ASAP2: variants seen among roughly 807,000 people sequenced by gnomAD.
ASAP2 encodes arf-GAP with SH3 domain, ANK repeat and PH domain-containing protein 2.
In ASAP2, 45 loss-of-function variants were observed where a neutral mutation model predicts 131.4. The ratio of observed to expected loss-of-function variants is 0.34; its 90% CI spans 0.27 to 0.44. The LOEUF is 0.44. Among genes scored for constraint, ASAP2 ranks in the 20% least tolerant of loss-of-function variants. ASAP2 has a pLI of 1.00. For synonymous variants in ASAP2, 510 were observed against 503.0 expected (o/e 1.01, Z -0.19); for missense variants, 1,011 against 1,297.0 (o/e 0.78, Z 3.39).
chr2:9,391,109 A>G lies in ASAP2; in HGVS notation c.2431A>G (p.Ser811Gly), dbSNP rs1227595733. ...ANTLWKTNSV[S>G]VDGGSRQRSS... ...CACCCTGTGGAAGACAAACTCTGTA[A>G]GTGTGGACGGTGGAAGCCGGCAGCG... Residue 811 changes from serine (S) to glycine (G), a missense_variant, in exon 23 of 28, where the codon AGT becomes GGT. Transcript: ENST00000281419. 1 of 1,614,220 alleles carries G rather than the reference A, an allele frequency of 6.2e-7. No individual in the cohort carries two copies.
Position 9,283,164 on chromosome 2 carries a change from G to A in ASAP2, c.199+3775G>A, listed in dbSNP as rs556369023. Among the ~76,000 whole-genome samples the A allele has an allele frequency of 6.6e-5, 10 of 151,922 alleles. No homozygotes were observed. The East Asian group carries it at 1.4e-3, about 21-fold the overall frequency. ...ATGATCTCGGCTCACTGCAGCCTCCGCCTCCTGGGTTCAAGTGATTTTCCT... is the reference window on the plus strand; with the variant it reads ...ATGATCTCGGCTCACTGCAGCCTCCACCTCCTGGGTTCAAGTGATTTTCCT... On this transcript the variant is annotated intron_variant, in intron 2 of 27. Coordinates refer to ENST00000281419, the MANE Select transcript of ASAP2 (RefSeq NM_003887.3).
At chr2:9,334,115 C>T (rs1671029658) in intron 7 of ASAP2, among the ~76,000 whole-genome samples, 1 of 139,784 alleles carries the variant, frequency 7.2e-6, no homozygotes, top group African/African-American at 2.7e-5. Flanking sequence ...GGCATGATCT[C>T]GGCTCACTGC....
chr2:9,401,355 G>C lies in ASAP2; in HGVS notation c.2905G>C (p.Asp969His). ...CGATGAGCTCACCTTCTCCGAGGGG[G>C]ATGTGATCATCGTGGACGGGGAGGA... Reference protein sequence around the residue: ...NPDELTFSEGDVIIVDGEEDQ... With the variant: ...NPDELTFSEGHVIIVDGEEDQ... The change falls in exon 27 of 28, where the codon GAT (aspartate) becomes CAT (histidine). Residue 969 changes from aspartate to histidine, a missense_variant. Around this residue, in one of 2 missense-constraint regions of ASAP2, gnomAD observed 652 missense variants for 698.9 expected, o/e 0.93. Transcript: ENST00000281419. 1.2e-6 allele frequency: 2 copies of C among 1,613,690 alleles called. No individual in the cohort carries two copies. The highest frequency in any genetic ancestry group is 1.7e-6 in the Non-Finnish European group (2 of 1,179,940).
Position 9,401,387 on chromosome 2 carries a change from G to A in ASAP2, c.2937G>A (p.Gln979=), listed in dbSNP as rs377390154. The part of the protein sequence containing the change: ...DVIIVDGEED[Q]EWWIGHIDGD... ...TCATCGTGGACGGGGAGGAGGACCA[G>A]GAGTGGTGGGTGAGTCAAGGGTGGG... The change falls in exon 27 of 28, where the codon CAG becomes CAA. Residue 979 remains glutamine (Q), a synonymous_variant. Coordinates refer to ENST00000281419, the MANE Select transcript of ASAP2 (RefSeq NM_003887.3). 6.2e-6 allele frequency: 10 copies of A among 1,613,386 alleles called. 1 individual carries two copies. In the Admixed American group the frequency reaches 6.7e-5, roughly 11 times the overall value.
chr2:9,263,114 G>A (rs893682175), intron 1 of ASAP2, among the ~76,000 whole-genome samples: 6 of 152,032 alleles, frequency 3.9e-5, no homozygotes, highest in Admixed American at 2.6e-4. Flanking sequence ...GGCCCAGGCC[G>A]TGGCTGCATG....
At chr2:9,400,943 C>G in intron 26 of ASAP2, 113 bp downstream of exon 26, 3 of 1,122,470 alleles carry the variant, frequency 2.7e-6, no homozygotes, top group Non-Finnish European at 3.9e-6. Context: ...TGGGGCAGGG[C>G]GGGGCTCTTC....
intron 1 of ASAP2, among the ~76,000 whole-genome samples, chr2:9,243,359 C>T (rs537750057): frequency 1.3e-5 from 2 of 152,190 alleles, no homozygotes; most frequent in Non-Finnish European, 2.9e-5. Context: ...CCACCCACCT[C>T]GGCCTCGCAA....
intron 9 of ASAP2, among the ~76,000 whole-genome samples, chr2:9,340,000 G>T (rs891128084): frequency 6.6e-6 from 1 of 152,112 alleles, no homozygotes; most frequent in Non-Finnish European, 1.5e-5. Flanking sequence ...TACAGGGTAG[G>T]CAATGTTTGC....
intron 3 of ASAP2, among the ~76,000 whole-genome samples, chr2:9,302,072 C>T (rs1169231160): frequency 6.7e-6 from 1 of 149,420 alleles, no homozygotes; most frequent in Non-Finnish European, 1.5e-5. Context: ...ATCCACCCGC[C>T]TTGGCCTCCC....
intron 5 of ASAP2, 33 bp from the exon 6 acceptor site, chr2:9,323,088 G>A: frequency 6.2e-7 from 1 of 1,613,466 alleles, no homozygotes; most frequent in Non-Finnish European, 8.5e-7. Flanking sequence ...TGTGCCAACA[G>A]GCATCTTGAT....
chr2:9,223,996 T>C (rs1008553323), intron 1 of ASAP2, among the ~76,000 whole-genome samples: 6 of 152,232 alleles, frequency 3.9e-5, no homozygotes, highest in African/African-American at 1.4e-4. Flanking sequence ...AAAATAGTTT[T>C]TGAACTTTGC....
At chr2:9,304,973 G>C (rs1361209445) in intron 3 of ASAP2, among the ~76,000 whole-genome samples, 1 of 148,614 alleles carries the variant, frequency 6.7e-6, no homozygotes, top group East Asian at 2.0e-4. Flanking sequence ...TAATAGTGGG[G>C]TATAGATATT....
Position 9,207,550 on chromosome 2 carries a change from C to T in ASAP2, c.126+320C>T, listed in dbSNP as rs1661206654. Among the ~76,000 whole-genome samples the T allele has an allele frequency of 6.6e-6, 1 of 152,054 alleles. No homozygotes were observed. On this transcript the variant is annotated intron_variant, in intron 1 of 27. Transcript: ENST00000281419. The surrounding 1 kb of genome is among the most constrained non-coding windows in gnomAD (Gnocchi z 4.1). ...CGCGGCGAGCGGGGGATCCCGCTGC[C>T]CGCCGCCGCCCGCCGCCGCCCGGGG...
chr2:9,394,086 A>G (rs866086686), intron 24 of ASAP2, among the ~76,000 whole-genome samples: 1 of 151,884 alleles, frequency 6.6e-6, no homozygotes, highest in South Asian at 2.1e-4. Flanking sequence ...ACACCACCCA[A>G]TCCTTAGACC....
chr2:9,355,280 G>A (rs548639260), intron 12 of ASAP2, among the ~76,000 whole-genome samples: 4 of 152,182 alleles, frequency 2.6e-5, no homozygotes, highest in African/African-American at 9.7e-5. Flanking sequence ...CTTGCAGTCT[G>A]TATCGGTTCT....
chr2:9,212,762 A>G (rs1207415653), intron 1 of ASAP2, among the ~76,000 whole-genome samples: 3 of 152,088 alleles, frequency 2.0e-5, no homozygotes, highest in Non-Finnish European at 2.9e-5. Context: ...GGTGGCTACC[A>G]TATTGGCTCA....
chr2:9,293,857 A>C (rs1372019087), intron 2 of ASAP2, among the ~76,000 whole-genome samples: 3 of 152,220 alleles, frequency 2.0e-5, no homozygotes, highest in Non-Finnish European at 2.9e-5. Context: ...ATCAGAAGAC[A>C]GTGCTGATTG....
rs1377330281 is a variant in ASAP2 at position 9,207,008 on chromosome 2, CGGCAGCGGCGGTGTCCGAGCGGCGGT to C, written c.-96_-71del. On this transcript the variant is annotated 5_prime_UTR_variant, in exon 1 of 28. Coordinates refer to ENST00000281419, the MANE Select transcript of ASAP2 (RefSeq NM_003887.3). The surrounding 1 kb of genome is among the most constrained non-coding windows in gnomAD (Gnocchi z 4.1). The stretch of plus-strand genomic sequence containing the variant: ...CTTTGTCCGCGGGCCGGAGCGGCGG[CGGCAGCGGCGGTGTCCGAGCGGCGGT>C]CGGAGCCTGCTGCGGCAGTTGAGGC... The C allele has an allele frequency of 3.7e-6, 4 of 1,068,562 alleles. No individual in the cohort carries two copies. The African/African-American group carries it at 6.8e-5, about 18-fold the overall frequency. 66.2% of individuals were successfully genotyped at this position (1,068,562 alleles called of 1,614,324 possible).
intron 1 of ASAP2, among the ~76,000 whole-genome samples, chr2:9,216,067 T>C (rs1662000880): frequency 1.3e-5 from 2 of 152,180 alleles, no homozygotes; most frequent in South Asian, 2.1e-4. Context: ...TGTGCCTTTC[T>C]TGTTTGTGTC....
Sources: gnomAD v4.1 joint callset for allele counts (sites outside exome capture counted in the v4.1 genomes callset) on GRCh38, gnomAD v4.1.1 for gene constraint, gnomAD v4.1.1 regional missense constraint, Gnocchi (gnomAD v3.1) non-coding constraint, MANE v1.5 for transcripts, NCBI Gene and HGNC (gene_info 2026-07-23, HGNC 2026-07-21) for gene names.